Variants in ANO2 observed in about 807,000 individuals in gnomAD.
The protein encoded by ANO2 is anoctamin 2, also known as anoctamin-2.
A neutral mutation model predicts 124.2 loss-of-function variants in ANO2; 101 were observed. That is an observed-to-expected ratio of 0.81 (90% CI 0.69 to 0.96). ANO2 has a LOEUF of 0.96. Ranked by LOEUF, ANO2 falls within the 40% of genes least tolerant of loss-of-function variation. The pLI, the probability that ANO2 is intolerant of heterozygous loss-of-function variation, is 0.00. For synonymous variants in ANO2, 486 were observed against 482.5 expected (o/e 1.01, Z -0.09); for missense variants, 1,293 against 1,274.5 (o/e 1.01, Z -0.22).
intron 4 of ANO2, among the ~76,000 whole-genome samples, chr12:5,842,805 G>A (rs1954559261): frequency 6.6e-6 from 1 of 152,128 alleles, no homozygotes; most frequent in South Asian, 2.1e-4. Context: ...AGGCTCATAC[G>A]CACATCCGCC....
In ANO2 at chr12:5,833,035, G is replaced by A. The variant is rs185711641; in HGVS notation, c.634-432C>T. Among the ~76,000 whole-genome samples, 3 of 152,300 alleles carry A rather than the reference G, an allele frequency of 2.0e-5. 1 individual carries two copies. The highest frequency in any genetic ancestry group is 1.3e-4 in the Admixed American group (2 of 15,310). Reference sequence around the variant, plus strand: ...GAGGCGAATTAACAAAGGCCACATAGATAGGAACTGGGTGACAGAGCTTGG... The same window carrying A: ...GAGGCGAATTAACAAAGGCCACATAAATAGGAACTGGGTGACAGAGCTTGG... On this transcript the variant is annotated intron_variant, in intron 4 of 24. Transcript: ENST00000682330.
intron 14 of ANO2, among the ~76,000 whole-genome samples, chr12:5,652,756 A>G (rs143385216): frequency 1.3e-5 from 2 of 152,190 alleles, no homozygotes; most frequent in East Asian, 3.9e-4. Context: ...TTTTCATCAC[A>G]TCATATCAAG....
intron 10 of ANO2, among the ~76,000 whole-genome samples, chr12:5,766,864 GA>G (rs1340888494): frequency 6.6e-6 from 1 of 152,168 alleles, no homozygotes; most frequent in Non-Finnish European, 1.5e-5. Context: ...TCATCTGAAG[GA>G]AGCACAGGAG....
chr12:5,729,063 C>T (rs1245781718), intron 14 of ANO2, among the ~76,000 whole-genome samples: 1 of 152,132 alleles, frequency 6.6e-6, no homozygotes, highest in African/African-American at 2.4e-5. Context: ...ATCTTAATGA[C>T]ATTGGATTAG....
At chr12:5,638,128 G>T (rs10492182) in intron 15 of ANO2, among the ~76,000 whole-genome samples, 22,218 of 152,046 alleles carry the variant, frequency 0.15, 2,068 homozygotes, top group East Asian at 0.44. Context: ...GAGGGTATAC[G>T]GTAGAGCTGA....
chr12:5,906,000 C>T (rs1027687899), intron 3 of ANO2, among the ~76,000 whole-genome samples: 3 of 152,144 alleles, frequency 2.0e-5, no homozygotes, highest in South Asian at 4.1e-4. Flanking sequence ...TGGCTCTGAG[C>T]GGGCTGCAGA....
chr12:5,888,213 C>T (rs1034822462), intron 3 of ANO2, among the ~76,000 whole-genome samples: 2 of 150,638 alleles, frequency 1.3e-5, no homozygotes, highest in African/African-American at 2.4e-5. Flanking sequence ...GCTCTTAAGG[C>T]GGCGCGTCTG....
At chr12:5,723,421 T>A (rs1027333501) in intron 14 of ANO2, among the ~76,000 whole-genome samples, 3 of 152,074 alleles carry the variant, frequency 2.0e-5, no homozygotes, top group Non-Finnish European at 4.4e-5. Flanking sequence ...ATTGAAGTCC[T>A]AAAGTACCCC....
chr12:5,602,688 G>A (rs1157707555), intron 19 of ANO2, among the ~76,000 whole-genome samples: 1 of 151,924 alleles, frequency 6.6e-6, no homozygotes, highest in African/African-American at 2.4e-5. Flanking sequence ...CAGCATAATG[G>A]TGAAAAAAAA....
chr12:5,928,780 A>G (rs1208547331), intron 1 of ANO2, among the ~76,000 whole-genome samples: 1 of 69,222 alleles, frequency 1.4e-5, no homozygotes, highest in East Asian at 7.5e-4. Context: ...TTTCCTTATT[A>G]GTCACTTTCT....
intron 12 of ANO2, 73 bp downstream of exon 12, chr12:5,744,084 A>G (rs1951188553): frequency 6.4e-7 from 1 of 1,570,192 alleles, no homozygotes; most frequent in Non-Finnish European, 8.7e-7. Flanking sequence ...GAAGGGGATG[A>G]GCTTTACAGC....
intron 23 of ANO2, among the ~76,000 whole-genome samples, chr12:5,568,775 A>G (rs1297374040): frequency 6.6e-6 from 1 of 151,990 alleles, no homozygotes; most frequent in African/African-American, 2.4e-5. Flanking sequence ...CGTGCTTTGG[A>G]GGTAGCAGGT....
Position 5,770,581 on chromosome 12 carries a change from C to T in ANO2, c.1056-19611G>A, listed in dbSNP as rs56250191. On this transcript the variant is annotated intron_variant, in intron 10 of 24. Coordinates refer to ENST00000682330, the MANE Select transcript of ANO2 (RefSeq NM_001364791.2). ...TATAGACGCTACTTTCAAAAATACA[C>T]CAAATCCAACCATGTGTCACCATCT... 5.2e-3 allele frequency among the ~76,000 whole-genome samples: 796 copies of T among 152,226 alleles called. 5 individuals carry two copies. The highest frequency in any genetic ancestry group is 5.5e-3 in the Non-Finnish European group (374 of 68,016).
chr12:5,584,894 T>C (rs550111516), intron 20 of ANO2, among the ~76,000 whole-genome samples: 1 of 152,266 alleles, frequency 6.6e-6, no homozygotes, highest in South Asian at 2.1e-4. Context: ...CATGCATTCA[T>C]TCAGCAAGCA....
chr12:5,855,581 G>A (rs903367863), intron 3 of ANO2, among the ~76,000 whole-genome samples: 7 of 152,212 alleles, frequency 4.6e-5, no homozygotes, highest in African/African-American at 1.7e-4. Context: ...TCTAGAGTTT[G>A]ACAATATCTG....
At chr12:5,733,994 T>C (rs886236940) in intron 13 of ANO2, among the ~76,000 whole-genome samples, 1 of 152,244 alleles carries the variant, frequency 6.6e-6, no homozygotes, top group Non-Finnish European at 1.5e-5. Flanking sequence ...CTTGGCACCA[T>C]GCAGAACACA....
chr12:5,706,250 T>C (rs1949605307), intron 14 of ANO2, among the ~76,000 whole-genome samples: 1 of 152,228 alleles, frequency 6.6e-6, no homozygotes, highest in Non-Finnish European at 1.5e-5. Flanking sequence ...CTGAAGTAGC[T>C]GTCCATCTCG....
intron 14 of ANO2, among the ~76,000 whole-genome samples, chr12:5,723,300 G>A (rs79888486): frequency 0.025 from 3,753 of 152,296 alleles, 63 homozygotes; most frequent in Middle Eastern, 0.058. Flanking sequence ...TGGAGCTGCT[G>A]CTTGGAGGCT....
At chr12:5,649,763 C>T (rs1946822163) in intron 14 of ANO2, among the ~76,000 whole-genome samples, 1 of 150,608 alleles carries the variant, frequency 6.6e-6, no homozygotes, top group South Asian at 2.1e-4. Flanking sequence ...TGCCACGATG[C>T]CCCCAGCTAA....
Sources: gnomAD v4.1 joint callset for allele counts (sites outside exome capture counted in the v4.1 genomes callset) on GRCh38, gnomAD v4.1.1 for gene constraint, MANE v1.5 for transcripts, NCBI Gene and HGNC (gene_info 2026-07-23, HGNC 2026-07-21) for gene names.